Variants in SPAG16 observed in about 807,000 individuals in gnomAD.
SPAG16 encodes the protein sperm associated antigen 16, also known as sperm-associated antigen 16 protein.
A neutral mutation model predicts 80.4 loss-of-function variants in SPAG16; 86 were observed. The ratio of observed to expected loss-of-function variants is 1.07; its 90% CI spans 0.90 to 1.28. The LOEUF (loss-of-function observed/expected upper bound fraction) is 1.28. Ranked by LOEUF, SPAG16 falls within the 50% of genes most tolerant of loss-of-function variation. The probability of loss-of-function intolerance (pLI) is 0.00; values close to 1 mark genes in which losing one functional copy is unlikely to be tolerated. For synonymous variants in SPAG16, 294 were observed against 265.9 expected, an observed-to-expected ratio of 1.11 and a Z score of -1.03; for missense variants, 870 against 765.3, an observed-to-expected ratio of 1.14 and a Z score of -1.61.
At chr2:213,755,006 A>T (rs2556303) in intron 10 of SPAG16, among the ~76,000 whole-genome samples, 135,515 of 152,226 alleles carry the variant, frequency 0.89, 62,470 homozygotes, top group East Asian at 1. Context: ...TGAATCTCTA[A>T]ATGTCTAAAA....
At chr2:213,437,452 C>G (rs1288315110) in intron 9 of SPAG16, among the ~76,000 whole-genome samples, 1 of 152,142 alleles carries the variant, frequency 6.6e-6, no homozygotes, top group Non-Finnish European at 1.5e-5. Flanking sequence ...TATGTTGTTA[C>G]TACTAATAAA....
chr2:213,952,094 C>G (rs1194388514), intron 12 of SPAG16, among the ~76,000 whole-genome samples: 2 of 151,996 alleles, frequency 1.3e-5, no homozygotes, highest in Non-Finnish European at 2.9e-5. Flanking sequence ...GTTGGAGGTA[C>G]AATGATTCTC....
At chr2:214,279,805 A>T (rs1258336205) in intron 15 of SPAG16, among the ~76,000 whole-genome samples, 1 of 152,220 alleles carries the variant, frequency 6.6e-6, no homozygotes. Context: ...TAAAAGATTC[A>T]ACTCACACAA....
intron 10 of SPAG16, among the ~76,000 whole-genome samples, chr2:213,520,786 A>G (rs1164600366): frequency 6.6e-6 from 1 of 152,224 alleles, no homozygotes; most frequent in East Asian, 1.9e-4. Context: ...TAATTATTTC[A>G]TGTAATTACC....
intron 15 of SPAG16, among the ~76,000 whole-genome samples, chr2:214,242,763 A>G (rs1307882826): frequency 2.6e-5 from 4 of 152,302 alleles, no homozygotes; most frequent in African/African-American, 7.2e-5. Context: ...ATTTGAATAC[A>G]TAGGTCTCTT....
At chr2:213,444,004 A>G (rs75071717) in intron 9 of SPAG16, among the ~76,000 whole-genome samples, 3,546 of 152,240 alleles carry the variant, frequency 0.023, 57 homozygotes, top group South Asian at 0.038. Flanking sequence ...TGGGAACTGG[A>G]CACTTCAGCC....
chr2:214,307,502 T>G (rs1312021613), intron 15 of SPAG16, among the ~76,000 whole-genome samples: 1 of 152,110 alleles, frequency 6.6e-6, no homozygotes. Context: ...TTGAGATCTT[T>G]CTTTCTAACT....
intron 10 of SPAG16, among the ~76,000 whole-genome samples, chr2:213,517,096 T>C (rs1278766644): frequency 6.6e-6 from 1 of 152,156 alleles, no homozygotes; most frequent in Admixed American, 6.5e-5. Flanking sequence ...ATAAAACTGA[T>C]AAGTAATTTT....
intron 9 of SPAG16, among the ~76,000 whole-genome samples, chr2:213,423,969 C>T (rs1559118668): frequency 6.6e-6 from 1 of 152,136 alleles, no homozygotes; most frequent in Non-Finnish European, 1.5e-5. Context: ...ACATTTCCTA[C>T]ATTCATAGTT....
At chr2:214,349,086 A>G (rs1257318329) in intron 15 of SPAG16, among the ~76,000 whole-genome samples, 2 of 152,280 alleles carry the variant, frequency 1.3e-5, no homozygotes, top group Admixed American at 6.5e-5. Context: ...TTATTATTCA[A>G]TATTATCATG....
intron 13 of SPAG16, among the ~76,000 whole-genome samples, chr2:214,025,678 C>T (rs2048092293): frequency 6.6e-6 from 1 of 151,400 alleles, no homozygotes; most frequent in African/African-American, 2.4e-5. Context: ...ATTTATAGCA[C>T]CAGAAAATTA....
At chr2:214,158,792 A>C (rs1489392787) in intron 15 of SPAG16, among the ~76,000 whole-genome samples, 1 of 152,014 alleles carries the variant, frequency 6.6e-6, no homozygotes, top group Non-Finnish European at 1.5e-5. Flanking sequence ...AGGTGCTTGG[A>C]AATATTTTCC....
intron 13 of SPAG16, among the ~76,000 whole-genome samples, chr2:214,046,461 A>G (rs373722936): frequency 2.0e-5 from 3 of 152,220 alleles, no homozygotes; most frequent in African/African-American, 7.2e-5. Context: ...ACCAAATATT[A>G]GCAAATTGAA....
intron 1 of SPAG16, among the ~76,000 whole-genome samples, chr2:213,286,076 A>T (rs1575071230): frequency 1.3e-5 from 2 of 152,216 alleles, no homozygotes; most frequent in Non-Finnish European, 2.9e-5. Context: ...TCAGCAATGA[A>T]AATCAGGTTT....
intron 15 of SPAG16, among the ~76,000 whole-genome samples, chr2:214,382,031 G>A (rs1700478789): frequency 6.6e-6 from 1 of 152,156 alleles, no homozygotes; most frequent in African/African-American, 2.4e-5. Context: ...TGTAGATTTG[G>A]AAAAAGAAAA....
At chr2:214,387,033 T>C (rs940514782) in intron 15 of SPAG16, among the ~76,000 whole-genome samples, 30 of 152,146 alleles carry the variant, frequency 2.0e-4, no homozygotes, top group African/African-American at 4.8e-4. Flanking sequence ...CATTATCTTT[T>C]TACCTGGAGC....
intron 10 of SPAG16, among the ~76,000 whole-genome samples, chr2:213,597,773 C>G (rs965901874): frequency 6.6e-6 from 1 of 152,066 alleles, no homozygotes; most frequent in Non-Finnish European, 1.5e-5. Context: ...TTTGCCCCCC[C>G]AAAAACTTCT....
At chr2:213,786,412 G>T (rs1314502010) in intron 10 of SPAG16, among the ~76,000 whole-genome samples, 1 of 152,072 alleles carries the variant, frequency 6.6e-6, no homozygotes. Flanking sequence ...AGAAAAAAAT[G>T]GTACATTATT....
chr2:213,512,815 T>C (rs893582026), intron 10 of SPAG16, among the ~76,000 whole-genome samples: 1 of 152,204 alleles, frequency 6.6e-6, no homozygotes, highest in Non-Finnish European at 1.5e-5. Flanking sequence ...CTGGAAGTTT[T>C]GAATCCTCAT....
Sources: gnomAD v4.1 joint callset for allele counts (sites outside exome capture counted in the v4.1 genomes callset) on GRCh38, gnomAD v4.1.1 for gene constraint, MANE v1.5 for transcripts, NCBI Gene and HGNC (gene_info 2026-07-23, HGNC 2026-07-21) for gene names.